Variants in JAKMIP3 observed in about 807,000 individuals in gnomAD.
The protein encoded by JAKMIP3 is janus kinase and microtubule-interacting protein 3.
Under a neutral mutation model 118.5 loss-of-function variants are expected in JAKMIP3, and 58 were observed. That is an observed-to-expected ratio of 0.49 (90% CI 0.40 to 0.61). The LOEUF is 0.61. JAKMIP3 is among the 20% of genes least tolerant of loss of function. The probability of loss-of-function intolerance (pLI) is 0.00; values close to 1 mark genes in which losing one functional copy is unlikely to be tolerated. For missense variants in JAKMIP3, 950 were observed against 1,109.0 expected (o/e 0.86, Z 2.04); for synonymous variants, 486 against 451.2 (o/e 1.08, Z -0.98).
chr10:132,056,129 A>AC (rs928843241), intron 1 of JAKMIP3, among the ~76,000 whole-genome samples: 24 of 152,252 alleles, frequency 1.6e-4, no homozygotes, highest in African/African-American at 5.1e-4. Context: ...CAGAAGTTGG[A>AC]AAATCTGGAT....
chr10:132,180,678 CGCGCGT>C (rs1195363024), intron 23 of JAKMIP3, among the ~76,000 whole-genome samples: 1,611 of 9,532 alleles, frequency 0.17, 304 homozygotes, highest in East Asian at 0.48. Context: ...TGTGTGTGCG[CGCGCGT>C]GTGTGTGCGT....
chr10:132,134,832 G>A (rs151096863), intron 4 of JAKMIP3, among the ~76,000 whole-genome samples: 232 of 152,346 alleles, frequency 1.5e-3, no homozygotes, highest in Middle Eastern at 3.4e-3. Flanking sequence ...CGCTCTGCCC[G>A]TCGGTTCTGT....
chr10:132,085,008 T>A (rs1392186955), intron 1 of JAKMIP3, among the ~76,000 whole-genome samples: 1 of 152,226 alleles, frequency 6.6e-6, no homozygotes, highest in African/African-American at 2.4e-5. Flanking sequence ...GCATCTATGT[T>A]CATCAAGGAT....
intron 23 of JAKMIP3, among the ~76,000 whole-genome samples, chr10:132,178,868 G>A (rs2060432726): frequency 6.6e-6 from 1 of 152,240 alleles, no homozygotes; most frequent in Non-Finnish European, 1.5e-5. Context: ...CACACAGACG[G>A]CAGGGGCCTG....
chr10:132,038,790 CA>C (rs58917363), intron 1 of JAKMIP3, among the ~76,000 whole-genome samples: 29,530 of 124,252 alleles, frequency 0.24, 2,841 homozygotes, highest in Non-Finnish European at 0.28. Context: ...GAGACTGTCT[CA>C]AAAAAAAAAA....
At chr10:132,047,136 A>G (rs2037941846) in intron 1 of JAKMIP3, among the ~76,000 whole-genome samples, 1 of 152,098 alleles carries the variant, frequency 6.6e-6, no homozygotes, top group African/African-American at 2.4e-5. Context: ...ATCCTCCTAA[A>G]GTGCTGGGGT....
rs182064812 is a variant in JAKMIP3 at position 132,089,195 on chromosome 10, T to C, written c.-137-15477T>C. 6.2e-3 allele frequency among the ~76,000 whole-genome samples: 735 copies of C among 119,222 alleles called. 5 individuals are homozygous for C. Among genetic ancestry groups the C allele is most frequent in the African/African-American group, 0.019 (696 of 35,940 alleles). The allele number at this position is 119,222 out of a possible 152,430, so 78.2% of individuals were successfully genotyped here. The stretch of plus-strand genomic sequence containing the variant: ...AGGGTTGTCTTGGCAATGCGGGCCC[T>C]TTTTTGGTTCCATATGAACTCTAAA... On this transcript the variant is annotated intron_variant, in intron 1 of 23. Coordinates refer to ENST00000684848, the MANE Select transcript of JAKMIP3 (RefSeq NM_001323087.2).
In JAKMIP3 at chr10:132,052,647, T is replaced by A. The variant is rs1003319963; in HGVS notation, c.-138+15909T>A. On this transcript the variant is annotated intron_variant, in intron 1 of 23. Transcript: ENST00000657785. ...TATCTTCAGAGCATCCGTCCTCTCA[T>A]CTGTTGTCCAATCTGCCACCAAAAG... Among the ~76,000 whole-genome samples, 4 of 152,342 alleles carry A rather than the reference T, an allele frequency of 2.6e-5. No individual in the cohort carries two copies. The East Asian group carries it at 7.7e-4, about 29-fold the overall frequency.
chr10:132,124,279 G>A (rs1477361152), intron 3 of JAKMIP3, among the ~76,000 whole-genome samples: 6 of 151,834 alleles, frequency 4.0e-5, no homozygotes, highest in Admixed American at 6.6e-5. Context: ...ATTGCCACGC[G>A]GTCGCCCGTC....
At chr10:132,170,347 C>A (rs937774194) in intron 23 of JAKMIP3, 1 of 152,288 alleles carries the variant, frequency 6.6e-6, no homozygotes, top group Non-Finnish European at 1.5e-5. Context: ...GACATACGCA[C>A]CTCCCCGCCA....
intron 1 of JAKMIP3, among the ~76,000 whole-genome samples, chr10:132,081,258 A>G (rs535964650): frequency 3.9e-5 from 6 of 152,278 alleles, no homozygotes; most frequent in African/African-American, 1.4e-4. Context: ...ATCATTTTAT[A>G]TGTGAACTCA....
intron 14 of JAKMIP3, 23 bp downstream of exon 14, chr10:132,148,073 C>T: frequency 6.9e-7 from 1 of 1,457,184 alleles, no homozygotes; most frequent in Non-Finnish European, 9.5e-7. Flanking sequence ...ATGGCCAGCA[C>T]TGTGGCCTGT....
intron 22 of JAKMIP3, 136 bp downstream of exon 22, chr10:132,167,191 G>C (rs754724308): frequency 1.2e-5 from 8 of 677,008 alleles, no homozygotes; most frequent in Non-Finnish European, 2.0e-5. Context: ...TCCCCAAAAG[G>C]GTTGTTAGAA....
chr10:132,120,946 G>GCAGCGGCA (rs1452367416), intron 3 of JAKMIP3, among the ~76,000 whole-genome samples: 3 of 152,246 alleles, frequency 2.0e-5, no homozygotes, highest in Non-Finnish European at 4.4e-5. Context: ...AGCTGCGGGG[G>GCAGCGGCA]CAGCGGCACA....
intron 1 of JAKMIP3, among the ~76,000 whole-genome samples, chr10:132,038,658 A>G (rs2037598318): frequency 6.6e-6 from 1 of 151,924 alleles, no homozygotes; most frequent in South Asian, 2.1e-4. Flanking sequence ...TTAGCTGGGC[A>G]TGGTGTGCCT....
intron 1 of JAKMIP3, among the ~76,000 whole-genome samples, chr10:132,048,072 A>G (rs1485781107): frequency 1.3e-5 from 2 of 152,182 alleles, no homozygotes; most frequent in African/African-American, 2.4e-5. Flanking sequence ...TCGTGACGGG[A>G]ACGAGGTCGT....
At chr10:132,108,036 T>C (rs10870256) in intron 2 of JAKMIP3, among the ~76,000 whole-genome samples, 29,910 of 152,204 alleles carry the variant, frequency 0.2, 2,985 homozygotes, top group African/African-American at 0.21. Flanking sequence ...TGGCTTACAC[T>C]GGTGGGAAGG....
Position 132,168,834 on chromosome 10 carries a change from A to C in JAKMIP3, c.*904A>C, listed in dbSNP as rs1590022905. ...ACAGAGGCCCTGGGCACCCAGAGCC[A>C]CCCAGCCTGGAAGCCCCTGCACGGG... On this transcript the variant is annotated 3_prime_UTR_variant, in exon 23 of 24. Coordinates refer to ENST00000684848, the MANE Select transcript of JAKMIP3 (RefSeq NM_001323087.2). The C allele has an allele frequency of 4.8e-6, 1 of 209,828 alleles. No homozygotes were observed. The highest frequency in any genetic ancestry group is 7.0e-5 in the South Asian group (1 of 14,290). 13.0% of individuals were successfully genotyped at this position (209,828 alleles called of 1,614,324 possible). A position where few individuals can be genotyped will look rare whatever the true frequency, so the allele number is the denominator to read the frequency against.
rs1297774209 is a variant in JAKMIP3 at position 132,117,557 on chromosome 10, C to T, written c.616C>T (p.Arg206Trp). 1.1e-5 allele frequency: 17 copies of T among 1,526,668 alleles called. No individual in the cohort carries two copies. Among genetic ancestry groups the T allele is most frequent in the South Asian group, 2.3e-5 (2 of 85,652 alleles). 94.6% of individuals were successfully genotyped at this position (1,526,668 alleles called of 1,614,324 possible). The change falls in exon 3 of 24, where the codon CGG becomes TGG. Residue 206 changes from arginine to tryptophan, a missense_variant. By Grantham distance (101) the Arg-to-Trp change is moderately radical. Coordinates refer to ENST00000684848, the MANE Select transcript of JAKMIP3 (RefSeq NM_001323087.2). The surrounding 1 kb of genome is among the most constrained non-coding windows in gnomAD (Gnocchi z 8.6). The stretch of plus-strand genomic sequence containing the variant: ...CACCCGCATCAAGAAGGAGTGCGAG[C>T]GGGAGATCCGCAGGCTGGTACGTGG... ...EITRIKKECEREIRRLMEEIK... is the reference protein window; with the variant it reads ...EITRIKKECEWEIRRLMEEIK...
Sources: gnomAD v4.1 joint callset for allele counts (sites outside exome capture counted in the v4.1 genomes callset) on GRCh38, gnomAD v4.1.1 for gene constraint, Gnocchi (gnomAD v3.1) non-coding constraint, MANE v1.5 for transcripts, NCBI Gene and HGNC (gene_info 2026-07-23, HGNC 2026-07-21) for gene names.